Variants in WRN observed in about 807,000 individuals in gnomAD.
WRN encodes the protein WRN RecQ like helicase.
WRN carries 149 observed loss-of-function variants against 180.7 expected under a neutral mutation model. That is an observed-to-expected ratio of 0.82 (90% CI 0.72 to 0.94). WRN has a LOEUF of 0.94. WRN is among the 40% of genes least tolerant of loss of function. The pLI is 0.00. For synonymous variants in WRN, 548 were observed against 568.9 expected, an observed-to-expected ratio of 0.96 and a Z score of 0.52; for missense variants, 1,661 against 1,700.1, an observed-to-expected ratio of 0.98 and a Z score of 0.40.
chr8:31,057,345 C>G (rs748359106), intron 1 of WRN, among the ~76,000 whole-genome samples: 2 of 151,678 alleles, frequency 1.3e-5, no homozygotes, highest in African/African-American at 4.8e-5. Context: ...GGTGGGCGAT[C>G]GGATCACGAG....
At chr8:31,126,768 A>G (rs577754964) in intron 23 of WRN, among the ~76,000 whole-genome samples, 2 of 152,258 alleles carry the variant, frequency 1.3e-5, no homozygotes, top group Admixed American at 1.3e-4. Flanking sequence ...AGAAAATGGG[A>G]AAACAATAGA....
chr8:31,114,791 A>T (rs1049056722), intron 19 of WRN, among the ~76,000 whole-genome samples: 1 of 151,574 alleles, frequency 6.6e-6, no homozygotes, highest in African/African-American at 2.4e-5. Flanking sequence ...ATCTTTCCAT[A>T]TATTGCATTT....
chr8:31,090,577 CAT>C lies in WRN; in HGVS notation c.1720+47_1720+48del, dbSNP rs563738985. The C allele has an allele frequency of 2.5e-3, 3,902 of 1,560,888 alleles. 9 individuals are homozygous for C. The highest frequency in any genetic ancestry group is 3.3e-3 in the Admixed American group (193 of 57,988). On this transcript the variant is annotated intron_variant, in intron 14 of 34. Coordinates refer to ENST00000298139, the MANE Select transcript of WRN (RefSeq NM_000553.6). Reference sequence around the variant, plus strand: ...AACCTAATCCTTTAAAAAAATAAAACATAAAGAGTTTGAAATGCTTAATCTTT... The same window carrying C: ...AACCTAATCCTTTAAAAAAATAAAACAAAGAGTTTGAAATGCTTAATCTTT...
At position 31,130,014 on chromosome 8, in the gene WRN, AC is replaced by A. The variant is rs869086252; in HGVS notation, c.2826-2350del. Among the ~76,000 whole-genome samples, 587 of 118,094 alleles carry A rather than the reference AC, an allele frequency of 5.0e-3. 36 individuals are homozygous for A. Among genetic ancestry groups the A allele is most frequent in the African/African-American group, 0.015 (444 of 28,942 alleles). The allele number at this position is 118,094 out of a possible 152,430, so 77.5% of individuals were successfully genotyped here. ...GCGACACTCTTGTCTCAAAAAAAAA[AC>A]AAAACAAAACAAAAAAAAAAACTAG... On this transcript the variant is annotated intron_variant, in intron 23 of 34. Transcript: ENST00000298139.
At chr8:31,092,088 A>T (rs1246120438) in intron 16 of WRN, among the ~76,000 whole-genome samples, 190 bp downstream of exon 16, 1 of 152,122 alleles carries the variant, frequency 6.6e-6, no homozygotes, top group Admixed American at 6.6e-5. Flanking sequence ...ATGCATGAAA[A>T]AAAAAGTCCA....
intron 1 of WRN, among the ~76,000 whole-genome samples, chr8:31,039,306 G>A (rs1438145365): frequency 1.3e-5 from 2 of 151,990 alleles, no homozygotes; most frequent in African/African-American, 4.8e-5. Context: ...TTATTCCTTG[G>A]TATTTTATTC....
intron 7 of WRN, among the ~76,000 whole-genome samples, chr8:31,074,594 G>A: frequency 6.6e-6 from 1 of 152,192 alleles, no homozygotes; most frequent in Non-Finnish European, 1.5e-5. Flanking sequence ...TTTGAAATCT[G>A]TCATGAGTTT....
intron 1 of WRN, among the ~76,000 whole-genome samples, chr8:31,047,252 C>A (rs1257727984): frequency 6.6e-6 from 1 of 151,846 alleles, no homozygotes; most frequent in Non-Finnish European, 1.5e-5. Context: ...AAGCGATCCT[C>A]CCACCTCAGT....
In WRN at chr8:31,167,011, A is replaced by G. The variant is rs956834897; in HGVS notation, c.3983-11A>G. On this transcript the variant is annotated splice_polypyrimidine_tract_variant and intron_variant, in intron 33 of 34. Coordinates refer to ENST00000298139, the MANE Select transcript of WRN (RefSeq NM_000553.6). ...ATTTATTTTGAAATGGAGTTTTTTT[A>G]TCGTTTACAGATATGAGTAAAATTA... 5 of 1,607,956 alleles carry G rather than the reference A, an allele frequency of 3.1e-6. No individual in the cohort carries two copies. Among genetic ancestry groups the G allele is most frequent in the Non-Finnish European group, 4.3e-6 (5 of 1,176,056 alleles).
intron 17 of WRN, 82 bp downstream of exon 17, chr8:31,096,932 C>A: frequency 7.7e-7 from 1 of 1,303,294 alleles, no homozygotes; most frequent in Non-Finnish European, 1.1e-6. Flanking sequence ...CTGGATTTCA[C>A]TTCTGTTAAA....
At chr8:31,046,406 A>C (rs529210959) in intron 1 of WRN, among the ~76,000 whole-genome samples, 2 of 152,282 alleles carry the variant, frequency 1.3e-5, no homozygotes, top group East Asian at 3.9e-4. Context: ...AAAATGCTTA[A>C]TATGAGGGAG....
chr8:31,094,708 A>G (rs940154667), intron 16 of WRN, among the ~76,000 whole-genome samples: 1 of 152,020 alleles, frequency 6.6e-6, no homozygotes. Flanking sequence ...TGATTTGCCT[A>G]TTCTGGATGT....
intron 7 of WRN, among the ~76,000 whole-genome samples, chr8:31,071,119 G>C (rs559955446): frequency 2.0e-5 from 3 of 151,858 alleles, no homozygotes; most frequent in South Asian, 4.2e-4. Context: ...CAGGTGCCAA[G>C]TTACAGAGGT....
At chr8:31,102,159 A>G (rs1364295246) in intron 18 of WRN, among the ~76,000 whole-genome samples, 2 of 152,228 alleles carry the variant, frequency 1.3e-5, no homozygotes, top group Non-Finnish European at 2.9e-5. Context: ...CACTGCAGTC[A>G]GGATGCCAAA....
intron 8 of WRN, among the ~76,000 whole-genome samples, chr8:31,076,896 C>T (rs1278357352): frequency 6.6e-6 from 1 of 152,116 alleles, no homozygotes; most frequent in African/African-American, 2.4e-5. Flanking sequence ...AATACAGGGG[C>T]TATGTCTTTT....
At chr8:31,134,154 C>G (rs1485529932) in intron 24 of WRN, among the ~76,000 whole-genome samples, 1 of 151,804 alleles carries the variant, frequency 6.6e-6, no homozygotes, top group Non-Finnish European at 1.5e-5. Context: ...TTTTTTTTCT[C>G]CCCATTTCAG....
intron 9 of WRN, among the ~76,000 whole-genome samples, chr8:31,083,132 T>A (rs1220391259): frequency 3.3e-5 from 5 of 152,122 alleles, no homozygotes; most frequent in Non-Finnish European, 1.5e-5. Context: ...TTCCTGGAGA[T>A]TGCCAAATTA....
intron 17 of WRN, among the ~76,000 whole-genome samples, chr8:31,097,215 T>C (rs922121070): frequency 6.6e-6 from 1 of 152,202 alleles, no homozygotes; most frequent in Non-Finnish European, 1.5e-5. Flanking sequence ...CTAGGTTCTG[T>C]GAAATTTTAA....
At chr8:31,037,167 G>A (rs1811481066) in intron 1 of WRN, among the ~76,000 whole-genome samples, 1 of 152,172 alleles carries the variant, frequency 6.6e-6, no homozygotes, top group South Asian at 2.1e-4. Flanking sequence ...GTCCTATCTG[G>A]GAGTGATGGG....
Sources: allele counts gnomAD v4.1 joint callset (sites outside exome capture counted in the v4.1 genomes callset), GRCh38; gene constraint gnomAD v4.1.1; transcripts MANE v1.5; gene names NCBI Gene and HGNC (gene_info 2026-07-23, HGNC 2026-07-21).